The following AP3M2 variants were observed in gnomAD, a reference collection of about 807,000 sequenced individuals.
AP3M2 encodes the protein adaptor related protein complex 3 subunit mu 2.
Under a neutral mutation model 41.6 loss-of-function variants are expected in AP3M2, and 28 were observed. The observed-to-expected ratio is 0.67, with a 90% CI of 0.50 to 0.92. AP3M2 has a LOEUF of 0.92. Among genes scored for constraint, AP3M2 ranks in the 40% least tolerant of loss-of-function variants. AP3M2 has a pLI of 0.00. For synonymous variants in AP3M2, 193 were observed against 186.4 expected, an observed-to-expected ratio of 1.04 and a Z score of -0.29; for missense variants, 427 against 521.4, an observed-to-expected ratio of 0.82 and a Z score of 1.76.
chr8:42,165,633 A>G, intron 6 of AP3M2, 73 bp downstream of exon 6: 1 of 1,553,860 alleles, frequency 6.4e-7, no homozygotes, highest in South Asian at 1.2e-5. Context: ...TGTGGTGATT[A>G]AGAACTCAGG....
At chr8:42,156,220 G>C (rs1213994810) in intron 2 of AP3M2, among the ~76,000 whole-genome samples, 3 of 152,200 alleles carry the variant, frequency 2.0e-5, no homozygotes, top group Non-Finnish European at 1.5e-5. Context: ...CTTATTACAA[G>C]ACAGGAAGTG....
At chr8:42,167,534 A>G in intron 7 of AP3M2, 132 bp from the exon 8 acceptor site, 1 of 1,381,376 alleles carries the variant, frequency 7.2e-7, no homozygotes. Context: ...TTCTCAATGG[A>G]AAGATACCCA....
intron 4 of AP3M2, among the ~76,000 whole-genome samples, chr8:42,163,781 A>G (rs959847865): frequency 2.6e-5 from 4 of 152,222 alleles, no homozygotes; most frequent in African/African-American, 7.2e-5. Flanking sequence ...AATGTTCCGT[A>G]TCTTGCTGTA....
Position 42,169,031 on chromosome 8 carries a change from C to A in AP3M2, c.1227C>A (p.Thr409=). 1 of 1,611,394 alleles carries A rather than the reference C, an allele frequency of 6.2e-7. No homozygotes were observed. Among genetic ancestry groups the A allele is most frequent in the Non-Finnish European group, 8.5e-7 (1 of 1,178,844 alleles). ...YKPFKGIKYM[T]KAGKFQVRT is the part of the protein sequence containing the mutation. ...CCTTTAAGGGCATAAAATACATGAC[C>A]AAAGCTGGGAAGTTCCAAGTTCGAA... The change falls in exon 9 of 9, where the codon ACC becomes ACA. Residue 409 remains threonine (T), a synonymous_variant. Transcript: ENST00000396926.
chr8:42,167,086 G>C, intron 6 of AP3M2, 78 bp from the exon 7 acceptor site: 2 of 1,345,500 alleles, frequency 1.5e-6, no homozygotes, highest in Non-Finnish European at 2.1e-6. Flanking sequence ...CCACAGGGCA[G>C]AAAAAGCATC....
chr8:42,158,183 A>G (rs1156510613), intron 3 of AP3M2, 71 bp downstream of exon 3: 3 of 1,502,078 alleles, frequency 2.0e-6, no homozygotes, highest in Admixed American at 1.8e-5. Context: ...AGTGTCGCAC[A>G]TTGTTTTGAG....
At chr8:42,160,752 T>G (rs986630928) in intron 3 of AP3M2, among the ~76,000 whole-genome samples, 2 of 152,238 alleles carry the variant, frequency 1.3e-5, no homozygotes, top group Non-Finnish European at 2.9e-5. Flanking sequence ...TATCTTGTCC[T>G]GTCATTATGG....
intron 2 of AP3M2, 41 bp from the exon 3 acceptor site, chr8:42,157,900 C>A: frequency 6.5e-7 from 1 of 1,533,620 alleles, no homozygotes; most frequent in African/African-American, 1.4e-5. Context: ...ATTTATTTTA[C>A]AGTATCTGAG....
At chr8:42,167,001 T>C (rs1391418199) in intron 6 of AP3M2, 163 bp from the exon 7 acceptor site, 2 of 628,120 alleles carry the variant, frequency 3.2e-6, no homozygotes, top group Non-Finnish European at 5.5e-6. Flanking sequence ...AAAGAAAAAA[T>C]TAGATTACTG....
chr8:42,162,158 T>G, intron 3 of AP3M2, 123 bp from the exon 4 acceptor site: 1 of 993,684 alleles, frequency 1.0e-6, no homozygotes, highest in Non-Finnish European at 1.4e-6. Context: ...AAACCTCATC[T>G]TCTGTTTGAA....
rs1412569947 is a variant in AP3M2 at position 42,153,078 on chromosome 8, C to G, written c.-100C>G. 1.3e-5 allele frequency: 2 copies of G among 152,072 alleles called. No homozygotes were observed. The highest frequency in any genetic ancestry group is 4.8e-5 in the African/African-American group (2 of 41,350). 9.4% of individuals were successfully genotyped at this position (152,072 alleles called of 1,614,324 possible). A position where few individuals can be genotyped will look rare whatever the true frequency, so the allele number is the denominator to read the frequency against. On this transcript the variant is annotated 5_prime_UTR_variant, in exon 1 of 9. Coordinates refer to ENST00000396926, the MANE Select transcript of AP3M2 (RefSeq NM_006803.4). ...GGCGGGGCCTGTCCGCGCCTAGGAG[C>G]AGTGGGCGCTGAGAGCAGCAAGGCC...
intron 4 of AP3M2, among the ~76,000 whole-genome samples, chr8:42,162,642 G>A (rs532852140): frequency 6.6e-6 from 1 of 151,992 alleles, no homozygotes; most frequent in East Asian, 1.9e-4. Flanking sequence ...TTATCCTCTT[G>A]AATAAAAAAG....
chr8:42,164,429 A>G (rs1297242383), intron 4 of AP3M2, among the ~76,000 whole-genome samples: 2 of 152,196 alleles, frequency 1.3e-5, no homozygotes, highest in East Asian at 1.9e-4. Context: ...AAGCCTTGGG[A>G]AGTAGGTAAA....
intron 1 of AP3M2, 146 bp from the exon 2 acceptor site, chr8:42,154,470 A>G (rs972522179): frequency 3.5e-6 from 2 of 577,148 alleles, no homozygotes; most frequent in Non-Finnish European, 5.9e-6. Flanking sequence ...TATCGTTTCG[A>G]ATTCAAGGGA....
chr8:42,164,386 GAATAGGT>G (rs1334399988), intron 4 of AP3M2, among the ~76,000 whole-genome samples: 2 of 152,178 alleles, frequency 1.3e-5, no homozygotes, highest in Non-Finnish European at 2.9e-5. Context: ...CTTGAAAAAA[GAATAGGT>G]AATAATGGGC....
chr8:42,166,591 C>CAAAAAAAAGAAAAAAAAAAA (rs1804642822), intron 6 of AP3M2, among the ~76,000 whole-genome samples: 1 of 77,056 alleles, frequency 1.3e-5, no homozygotes, highest in African/African-American at 5.3e-5. Context: ...CTTGTCTCTA[C>CAAAAAAAAGAAAAAAAAAAA]AAAAAAAAAA....
chr8:42,154,553 T>C (rs1369561992), intron 1 of AP3M2, 63 bp from the exon 2 acceptor site: 2 of 1,322,048 alleles, frequency 1.5e-6, no homozygotes, highest in Non-Finnish European at 2.0e-6. Flanking sequence ...CTTGGACTGT[T>C]GGGAAAAGAT....
At chr8:42,154,423 C>T (rs1198163260) in intron 1 of AP3M2, 193 bp from the exon 2 acceptor site, 1 of 398,268 alleles carries the variant, frequency 2.5e-6, no homozygotes, top group Non-Finnish European at 4.5e-6. Context: ...GTAAAGATAA[C>T]TGGGAGTATA....
At chr8:42,162,943 C>CAAAAAAAAAAAAAAAAAA in intron 4 of AP3M2, among the ~76,000 whole-genome samples, 2 of 54,224 alleles carry the variant, frequency 3.7e-5, no homozygotes, top group Non-Finnish European at 6.9e-5. Context: ...GACCCTGTCT[C>CAAAAAAAAAAAAAAAAAA]AAAAAAAAAA....
Sources: allele counts gnomAD v4.1 joint callset (sites outside exome capture counted in the v4.1 genomes callset), GRCh38; gene constraint gnomAD v4.1.1; transcripts MANE v1.5; gene names NCBI Gene and HGNC (gene_info 2026-07-23, HGNC 2026-07-21).